The following NWD2 variants were observed in gnomAD, a reference collection of about 807,000 sequenced individuals.
NWD2 encodes the protein NACHT and WD repeat domain-containing protein 2.
Under a neutral mutation model 132.7 loss-of-function variants are expected in NWD2, and 37 were observed. That is an observed-to-expected ratio of 0.28 (90% confidence interval 0.21 to 0.37). The LOEUF is 0.37. Ranked by LOEUF, NWD2 falls within the 10% of genes least tolerant of loss-of-function variation. The probability of loss-of-function intolerance (pLI) is 1.00; values close to 1 mark genes in which losing one functional copy is unlikely to be tolerated. For synonymous variants in NWD2, 705 were observed against 803.0 expected (o/e 0.88, Z 2.06); for missense variants, 1,592 against 2,122.4 (o/e 0.75, Z 4.91).
At chr4:37,432,392 T>C (rs1040430020) in intron 4 of NWD2, among the ~76,000 whole-genome samples, 1 of 150,832 alleles carries the variant, frequency 6.6e-6, no homozygotes, top group African/African-American at 2.4e-5. Flanking sequence ...ATCAAGAAAA[T>C]TGATCACGTG....
intron 3 of NWD2, among the ~76,000 whole-genome samples, chr4:37,409,159 T>A (rs1721103664): frequency 3.3e-5 from 5 of 151,990 alleles, no homozygotes; most frequent in Admixed American, 3.3e-4. Context: ...GAGAATGAGT[T>A]TGACAAGTTG....
At chr4:37,278,210 T>C (rs545931761) in intron 1 of NWD2, among the ~76,000 whole-genome samples, 3 of 152,178 alleles carry the variant, frequency 2.0e-5, no homozygotes, top group Non-Finnish European at 4.4e-5. Flanking sequence ...ACCTTAGGTT[T>C]AGTTAGGAGT....
intron 1 of NWD2, among the ~76,000 whole-genome samples, chr4:37,300,395 T>C (rs1718589635): frequency 6.6e-6 from 1 of 152,116 alleles, no homozygotes; most frequent in South Asian, 2.1e-4. Flanking sequence ...AAGTTCCAAT[T>C]ATATATTATT....
chr4:37,307,220 A>G (rs1472590072), intron 1 of NWD2, among the ~76,000 whole-genome samples: 1 of 151,502 alleles, frequency 6.6e-6, no homozygotes, highest in Non-Finnish European at 1.5e-5. Context: ...TATCTGCTCT[A>G]CCAGTGTGTT....
At chr4:37,354,568 G>A (rs1290403016) in intron 2 of NWD2, among the ~76,000 whole-genome samples, 1 of 152,194 alleles carries the variant, frequency 6.6e-6, no homozygotes, top group Non-Finnish European at 1.5e-5. Flanking sequence ...TAGAGAGGCA[G>A]TCTACTTGCC....
intron 2 of NWD2, among the ~76,000 whole-genome samples, chr4:37,330,861 G>T (rs55918155): frequency 7.8e-6 from 1 of 128,848 alleles, no homozygotes; most frequent in East Asian, 2.4e-4. Context: ...CACCCTACTT[G>T]AGTATTTCTA....
intron 3 of NWD2, among the ~76,000 whole-genome samples, chr4:37,419,014 A>G (rs1711723376): frequency 6.6e-6 from 1 of 152,166 alleles, no homozygotes; most frequent in Non-Finnish European, 1.5e-5. Context: ...ACAAGGCTAC[A>G]GTAATCAAAA....
At chr4:37,341,883 A>G (rs1719533772) in intron 2 of NWD2, among the ~76,000 whole-genome samples, 1 of 152,244 alleles carries the variant, frequency 6.6e-6, no homozygotes, top group Non-Finnish European at 1.5e-5. Context: ...AAAAGGATCC[A>G]TCTGCCTGCA....
intron 1 of NWD2, among the ~76,000 whole-genome samples, chr4:37,288,881 A>G (rs544393824): frequency 7.9e-5 from 12 of 152,166 alleles, no homozygotes; most frequent in Non-Finnish European, 1.5e-4. Flanking sequence ...AATGGACATG[A>G]TTATACTGGA....
chr4:37,253,714 C>A (rs1199338541), intron 1 of NWD2, among the ~76,000 whole-genome samples: 1 of 152,156 alleles, frequency 6.6e-6, no homozygotes, highest in Non-Finnish European at 1.5e-5. Flanking sequence ...GTTCTTAGCA[C>A]GGCCTTGGGA....
At chr4:37,420,869 T>G (rs888474452) in intron 3 of NWD2, among the ~76,000 whole-genome samples, 1 of 152,154 alleles carries the variant, frequency 6.6e-6, no homozygotes, top group Non-Finnish European at 1.5e-5. Context: ...GGTTAAGTAC[T>G]CAATAAGAAT....
chr4:37,306,545 A>G (rs1435647780), intron 1 of NWD2, among the ~76,000 whole-genome samples: 1 of 151,982 alleles, frequency 6.6e-6, no homozygotes, highest in Admixed American at 6.6e-5. Flanking sequence ...TTTTTTTCCT[A>G]ATTTCTTCCT....
intron 3 of NWD2, among the ~76,000 whole-genome samples, chr4:37,407,572 T>TG (rs753269725): frequency 1.4e-4 from 22 of 151,988 alleles, no homozygotes; most frequent in Non-Finnish European, 2.4e-4. Flanking sequence ...TGAGAGGGAG[T>TG]GGGGATATTA....
At chr4:37,353,659 T>A (rs1022806834) in intron 2 of NWD2, among the ~76,000 whole-genome samples, 14 of 152,052 alleles carry the variant, frequency 9.2e-5, no homozygotes, top group Non-Finnish European at 1.8e-4. Flanking sequence ...TGTGTATGCT[T>A]CACGAAGTTC....
rs1036542772 is a variant in NWD2 at position 37,398,248 on chromosome 4, C to T, written c.358-32324C>T. 3.3e-5 allele frequency among the ~76,000 whole-genome samples: 5 copies of T among 152,150 alleles called. No homozygotes were observed. The East Asian group carries it at 5.8e-4, about 18-fold the overall frequency. On this transcript the variant is annotated intron_variant, in intron 3 of 6. Coordinates refer to ENST00000309447, the MANE Select transcript of NWD2 (RefSeq NM_001144990.2). ...TCATAAACAAAATGTGGCACATATACACCATGGAATACTATGCAGCCATAA... is the reference window on the plus strand; with the variant it reads ...TCATAAACAAAATGTGGCACATATATACCATGGAATACTATGCAGCCATAA...
At chr4:37,276,745 A>C (rs1239885503) in intron 1 of NWD2, among the ~76,000 whole-genome samples, 1 of 152,192 alleles carries the variant, frequency 6.6e-6, no homozygotes. Context: ...CCAAATGTCC[A>C]ACAATGATAG....
chr4:37,347,637 T>A (rs939589737), intron 2 of NWD2, among the ~76,000 whole-genome samples: 5 of 152,316 alleles, frequency 3.3e-5, no homozygotes, highest in African/African-American at 1.2e-4. Context: ...TTTTCCTCCC[T>A]TTTGTGCTAT....
chr4:37,362,481 A>G (rs555751094), intron 3 of NWD2, among the ~76,000 whole-genome samples: 1 of 152,222 alleles, frequency 6.6e-6, no homozygotes, highest in Non-Finnish European at 1.5e-5. Flanking sequence ...CACATAGACA[A>G]ATGGAACAAA....
At chr4:37,327,147 C>G (rs1203013128) in intron 2 of NWD2, among the ~76,000 whole-genome samples, 1 of 152,066 alleles carries the variant, frequency 6.6e-6, no homozygotes, top group Non-Finnish European at 1.5e-5. Context: ...GTCAAGAATC[C>G]CAAAGACTTA....
Sources: gnomAD v4.1 joint callset for allele counts (sites outside exome capture counted in the v4.1 genomes callset) on GRCh38, gnomAD v4.1.1 for gene constraint, MANE v1.5 for transcripts, NCBI Gene and HGNC (gene_info 2026-07-23, HGNC 2026-07-21) for gene names.